Variants in MMP26 observed in about 807,000 individuals in gnomAD.
The protein encoded by MMP26 is matrix metallopeptidase 26.
MMP26 carries 33 observed loss-of-function variants against 31.0 expected under a neutral mutation model. The observed-to-expected ratio is 1.06, with a 90% CI of 0.81 to 1.42. The LOEUF is 1.42. Among genes scored for constraint, MMP26 ranks in the 40% most tolerant of loss-of-function variants. MMP26 has a pLI of 0.00. For missense variants in MMP26, 347 were observed against 316.1 expected (o/e 1.10, Z -0.74); for synonymous variants, 122 against 114.9 (o/e 1.06, Z -0.40).
At chr11:4,772,410 ACACCC>A (rs386750053) in intron 2 of MMP26, among the ~76,000 whole-genome samples, 14,430 of 152,226 alleles carry the variant, frequency 0.095, 852 homozygotes, top group Middle Eastern at 0.15. Flanking sequence ...GGAAAACTTT[ACACCC>A]AGTCTCTAGG....
At chr11:4,821,201 C>A in intron 2 of MMP26, 2 of 565,052 alleles carry the variant, frequency 3.5e-6, no homozygotes, top group Admixed American at 3.5e-5. Context: ...TGATGTGGCA[C>A]AGTTCAGGGA....
intron 2 of MMP26, chr11:4,794,162 C>A (rs1849070895): frequency 6.6e-6 from 1 of 152,128 alleles, no homozygotes; most frequent in Non-Finnish European, 1.5e-5. Context: ...TCAGCATGAC[C>A]ACTTGCTCAT....
At chr11:4,804,396 G>T in intron 2 of MMP26, 3 of 1,586,040 alleles carry the variant, frequency 1.9e-6, no homozygotes, top group Non-Finnish European at 2.6e-6. Flanking sequence ...GGTTAATATG[G>T]TCTCTGCTGG....
intron 2 of MMP26, among the ~76,000 whole-genome samples, chr11:4,901,628 A>T (rs1164087289): frequency 1.3e-5 from 2 of 152,132 alleles, no homozygotes; most frequent in African/African-American, 4.8e-5. Flanking sequence ...GGTAAAAGAT[A>T]AAAAATGCTT....
chr11:4,934,113 G>T lies in MMP26; in HGVS notation c.-144-53955G>T, dbSNP rs1359996622. On this transcript the variant is annotated intron_variant, in intron 2 of 7. Transcript: ENST00000380390. ...CAGTAATGGGATGGCTGGGTCAAAT[G>T]GTATTTCTAGTTCTAGATCCCTGAG... 9.5e-4 allele frequency among the ~76,000 whole-genome samples: 114 copies of T among 120,384 alleles called. 1 individual carries two copies. The highest frequency in any genetic ancestry group is 6.7e-4 in the Non-Finnish European group (38 of 57,092). The allele number at this position is 120,384 out of a possible 152,430, so 79.0% of individuals were successfully genotyped here. A position where few individuals can be genotyped will look rare whatever the true frequency, so the allele number is the denominator to read the frequency against.
chr11:4,808,945 C>T (rs1019411506), intron 2 of MMP26, among the ~76,000 whole-genome samples: 9 of 150,908 alleles, frequency 6.0e-5, no homozygotes, highest in Admixed American at 4.0e-4. Flanking sequence ...GACTTATGAA[C>T]ATAACACAGG....
chr11:4,840,531 G>T (rs2133488926), intron 2 of MMP26, among the ~76,000 whole-genome samples: 1 of 152,314 alleles, frequency 6.6e-6, no homozygotes, highest in Non-Finnish European at 1.5e-5. Flanking sequence ...GAGAGTCTCT[G>T]CCTGGTAATC....
chr11:4,881,929 T>G (rs1850470379), intron 2 of MMP26: 1 of 1,613,490 alleles, frequency 6.2e-7, no homozygotes, highest in Admixed American at 1.7e-5. Context: ...CCACTTCGTC[T>G]TCCTCAAACT....
intron 1 of MMP26, among the ~76,000 whole-genome samples, chr11:4,748,576 C>CAAAAAAAAAAAA (rs376553434): frequency 8.1e-6 from 1 of 122,712 alleles, no homozygotes. Flanking sequence ...AACAGCACAT[C>CAAAAAAAAAAAA]AAAAAAAAAA....
intron 1 of MMP26, chr11:4,724,287 A>G: frequency 2.8e-6 from 1 of 359,412 alleles, no homozygotes; most frequent in South Asian, 5.4e-5. Flanking sequence ...CCCCAGGAAA[A>G]GCAGGATTTT....
intron 2 of MMP26, chr11:4,882,942 C>A (rs752185442): frequency 7.3e-7 from 1 of 1,370,782 alleles, no homozygotes; most frequent in East Asian, 2.3e-5. Context: ...TTGGGGCAGT[C>A]TTATCCACAG....
intron 2 of MMP26, among the ~76,000 whole-genome samples, chr11:4,778,876 T>A (rs1489264459): frequency 6.6e-6 from 1 of 152,058 alleles, no homozygotes. Flanking sequence ...AATTTATTTT[T>A]GTTATTGATT....
chr11:4,848,829 G>C, intron 2 of MMP26: 1 of 1,614,148 alleles, frequency 6.2e-7, no homozygotes. Context: ...CCGATCAATG[G>C]ACATGGCGAG....
chr11:4,815,121 T>C (rs1028388176), intron 2 of MMP26, among the ~76,000 whole-genome samples: 1 of 152,190 alleles, frequency 6.6e-6, no homozygotes, highest in Non-Finnish European at 1.5e-5. Flanking sequence ...GATCAACCTT[T>C]CACTAAATAC....
chr11:4,799,372 G>T (rs1257802250), intron 2 of MMP26, among the ~76,000 whole-genome samples: 3 of 151,966 alleles, frequency 2.0e-5, no homozygotes, highest in Admixed American at 1.3e-4. Context: ...GAGAGAAGGG[G>T]GGGGTCTCAG....
chr11:4,805,697 G>A (rs1849258027), intron 2 of MMP26, among the ~76,000 whole-genome samples: 1 of 152,162 alleles, frequency 6.6e-6, no homozygotes, highest in South Asian at 2.1e-4. Context: ...CTCATTAACT[G>A]ATTAACAATA....
intron 2 of MMP26, among the ~76,000 whole-genome samples, chr11:4,940,162 T>A (rs1846186983): frequency 6.6e-6 from 1 of 152,116 alleles, no homozygotes; most frequent in African/African-American, 2.4e-5. Context: ...GGTGATTATT[T>A]TATCCATTTT....
At chr11:4,875,815 G>C (rs1167891996) in intron 2 of MMP26, 2 of 152,106 alleles carry the variant, frequency 1.3e-5, no homozygotes, top group Non-Finnish European at 2.9e-5. Flanking sequence ...ACATCTTTAA[G>C]GGTATTATTC....
chr11:4,865,253 T>C (rs1325119290), intron 2 of MMP26, among the ~76,000 whole-genome samples: 2 of 152,096 alleles, frequency 1.3e-5, no homozygotes, highest in Admixed American at 6.6e-5. Context: ...CTCTGCTTGA[T>C]TATTTCTACT....
Sources: gnomAD v4.1 joint callset for allele counts (sites outside exome capture counted in the v4.1 genomes callset) on GRCh38, gnomAD v4.1.1 for gene constraint, MANE v1.5 for transcripts, NCBI Gene and HGNC (gene_info 2026-07-23, HGNC 2026-07-21) for gene names.